COL23A1: variants seen among roughly 807,000 people sequenced by gnomAD.
COL23A1 encodes the protein collagen type XXIII alpha 1 chain.
COL23A1 carries 97 observed loss-of-function variants against 99.3 expected under a neutral mutation model. The observed-to-expected ratio is 0.98, with a 90% CI of 0.83 to 1.16. COL23A1 has a LOEUF of 1.16. Ranked by LOEUF, COL23A1 falls within the 50% of genes most tolerant of loss-of-function variation. COL23A1 has a pLI of 0.00. For missense variants in COL23A1, 762 were observed against 757.4 expected, an observed-to-expected ratio of 1.01 and a Z score of -0.07; for synonymous variants, 320 against 308.2, an observed-to-expected ratio of 1.04 and a Z score of -0.40.
chr5:178,425,468 A>AAT (rs1396238418), intron 2 of COL23A1, among the ~76,000 whole-genome samples: 1 of 150,874 alleles, frequency 6.6e-6, no homozygotes, highest in African/African-American at 2.4e-5. Flanking sequence ...TAAATAAATA[A>AAT]AAATAAAATA....
rs2913852 is a variant in COL23A1, at chr5:178,248,173, C to A, written c.1212+19G>T. 4.0e-6 allele frequency: 6 copies of A among 1,513,832 alleles called. No individual in the cohort carries two copies. In the South Asian group the frequency reaches 5.8e-5, roughly 15 times the overall value. 93.8% of individuals were successfully genotyped at this position (1,513,832 alleles called of 1,614,324 possible). ...GACTGGGTGTTGGGGGAAGCCCTGACCCCCCCATACCCCCTTACCAGGCTC... is the reference window on the plus strand; with the variant it reads ...GACTGGGTGTTGGGGGAAGCCCTGAACCCCCCATACCCCCTTACCAGGCTC... On this transcript the variant is annotated intron_variant, in intron 20 of 28. Transcript: ENST00000390654.
At position 178,412,611 on chromosome 5, in the gene COL23A1, C is replaced by T. The variant is rs143586512; in HGVS notation, c.362-105692G>A. On this transcript the variant is annotated intron_variant, in intron 2 of 28. Transcript: ENST00000390654. Reference sequence around the variant, plus strand: ...TGGGATTACAGAGATCATATTTTTGCACAGTTCTTTATTTTTTGGTGAAGC... The same window carrying T: ...TGGGATTACAGAGATCATATTTTTGTACAGTTCTTTATTTTTTGGTGAAGC... Among the ~76,000 whole-genome samples the T allele has an allele frequency of 3.7e-3, 567 of 152,238 alleles. 5 individuals carry two copies. The highest frequency in any genetic ancestry group is 0.013 in the African/African-American group (546 of 41,536).
chr5:178,256,834 G>A (rs146171769), intron 14 of COL23A1, 32 bp downstream of exon 14: 83 of 1,599,646 alleles, frequency 5.2e-5, no homozygotes, highest in South Asian at 8.9e-5. Context: ...AGCGGGGCCC[G>A]CAGGCGCCAG....
At chr5:178,504,878 T>A (rs1758777693) in intron 2 of COL23A1, among the ~76,000 whole-genome samples, 1 of 152,138 alleles carries the variant, frequency 6.6e-6, no homozygotes, top group Admixed American at 6.5e-5. Context: ...TTACATGAGA[T>A]CTGTGAGGAT....
intron 2 of COL23A1, among the ~76,000 whole-genome samples, chr5:178,559,666 T>C (rs1421590321): frequency 7.4e-6 from 1 of 135,754 alleles, no homozygotes; most frequent in African/African-American, 3.0e-5. Context: ...CTGAGACACA[T>C]CATCCAAAAG....
intron 2 of COL23A1, among the ~76,000 whole-genome samples, chr5:178,369,773 C>T (rs1211316012): frequency 1.3e-5 from 2 of 152,156 alleles, no homozygotes; most frequent in Non-Finnish European, 2.9e-5. Context: ...AACTGTAAGT[C>T]CATTAAATCT....
At chr5:178,386,156 A>C (rs576225660) in intron 2 of COL23A1, among the ~76,000 whole-genome samples, 1 of 152,316 alleles carries the variant, frequency 6.6e-6, no homozygotes, top group Admixed American at 6.5e-5. Flanking sequence ...AATACAACAT[A>C]GGCCAGGCGC....
intron 1 of COL23A1, among the ~76,000 whole-genome samples, chr5:178,561,505 G>A (rs531949899): frequency 6.6e-6 from 1 of 152,262 alleles, no homozygotes; most frequent in African/African-American, 2.4e-5. Context: ...GGGCACCCCT[G>A]AGGCCAGAAC....
intron 2 of COL23A1, among the ~76,000 whole-genome samples, chr5:178,530,848 T>C (rs530418394): frequency 3.3e-4 from 51 of 152,262 alleles, no homozygotes; most frequent in South Asian, 3.3e-3. Flanking sequence ...CCTAATGAAA[T>C]AGAAGATTCA....
Position 178,248,207 on chromosome 5 carries a change from G to A in COL23A1, c.1197C>T (p.Ser399=). 3 of 1,608,870 alleles carry A rather than the reference G, an allele frequency of 1.9e-6. No individual in the cohort carries two copies. The South Asian group carries it at 3.3e-5, about 18-fold the overall frequency. The change falls in exon 20 of 29, where the codon AGC becomes AGT. Residue 399 remains serine, a synonymous_variant. Transcript: ENST00000390654. ...ACCCCCTTACCAGGCTCTCCTGTAG[G>A]CTGTCAGACGCCGACTCCCCCTTCT... ...KGEKGESASD[S]LQESLAQLIV... is the part of the protein sequence containing the mutation.
chr5:178,568,888 A>G (rs1324630435), intron 1 of COL23A1, among the ~76,000 whole-genome samples: 1 of 152,206 alleles, frequency 6.6e-6, no homozygotes, highest in Non-Finnish European at 1.5e-5. Flanking sequence ...TGCTGTGAAC[A>G]TGAGTCTACT....
chr5:178,553,033 G>C (rs1277149316), intron 2 of COL23A1, among the ~76,000 whole-genome samples: 3 of 151,948 alleles, frequency 2.0e-5, no homozygotes, highest in Non-Finnish European at 2.9e-5. Context: ...AATTAGCCAT[G>C]GTGGCACACG....
At chr5:178,302,595 C>T (rs907442672) in intron 3 of COL23A1, among the ~76,000 whole-genome samples, 1 of 152,240 alleles carries the variant, frequency 6.6e-6, no homozygotes, top group Admixed American at 6.5e-5. Context: ...ACTGGGGCTC[C>T]AAGACAGGTT....
At chr5:178,529,941 T>C (rs1048654652) in intron 2 of COL23A1, among the ~76,000 whole-genome samples, 6 of 152,226 alleles carry the variant, frequency 3.9e-5, no homozygotes, top group African/African-American at 1.4e-4. Context: ...AACCAGGTAT[T>C]GTTTACTTTT....
intron 2 of COL23A1, among the ~76,000 whole-genome samples, chr5:178,456,681 A>T (rs1767815671): frequency 6.6e-6 from 1 of 152,186 alleles, no homozygotes; most frequent in Non-Finnish European, 1.5e-5. Flanking sequence ...CTGGGCAACA[A>T]GAGCGAAACT....
At chr5:178,587,854 T>G (rs1271426106) in intron 1 of COL23A1, among the ~76,000 whole-genome samples, 1 of 152,150 alleles carries the variant, frequency 6.6e-6, no homozygotes. Flanking sequence ...GAATAGCTCC[T>G]AGCAGAAACA....
At chr5:178,315,056 G>A (rs926136086) in intron 2 of COL23A1, among the ~76,000 whole-genome samples, 6 of 152,156 alleles carry the variant, frequency 3.9e-5, no homozygotes, top group South Asian at 2.1e-4. Context: ...CTGGAGACCC[G>A]AGACGACTCC....
chr5:178,403,144 C>T (rs1220947549), intron 2 of COL23A1, among the ~76,000 whole-genome samples: 1 of 126,288 alleles, frequency 7.9e-6, no homozygotes, highest in Non-Finnish European at 1.7e-5. Flanking sequence ...AAAATAAATA[C>T]CATTTACCGA....
In COL23A1 at chr5:178,248,137, C is replaced by T. The variant is rs1764811810; in HGVS notation, c.1212+55G>A. ...TTTTTGTCCCAAGGCTCAGGGTCCC[C>T]ACCCAGCCTGGACTGGGTGTTGGGG... On this transcript the variant is annotated intron_variant, in intron 20 of 28. Coordinates refer to ENST00000390654, the MANE Select transcript of COL23A1 (RefSeq NM_173465.4). The T allele has an allele frequency of 3.8e-6, 5 of 1,308,554 alleles. No homozygotes were observed. The Admixed American group carries it at 6.1e-5, about 16-fold the overall frequency. The allele number at this position is 1,308,554 out of a possible 1,614,324, so 81.1% of individuals were successfully genotyped here.
Sources: allele counts gnomAD v4.1 joint callset (sites outside exome capture counted in the v4.1 genomes callset), GRCh38; gene constraint gnomAD v4.1.1; transcripts MANE v1.5; gene names NCBI Gene and HGNC (gene_info 2026-07-23, HGNC 2026-07-21).